ATP9B: variants seen among roughly 807,000 people sequenced by gnomAD.
ATP9B encodes the protein probable phospholipid-transporting ATPase IIB.
In ATP9B, 110 loss-of-function variants were observed where a neutral mutation model predicts 146.1. The observed-to-expected ratio is 0.75, with a 90% CI of 0.65 to 0.88. ATP9B has a LOEUF of 0.88. Ranked by LOEUF, ATP9B falls within the 40% of genes least tolerant of loss-of-function variation. The pLI, the probability that ATP9B is intolerant of heterozygous loss-of-function variation, is 0.00. For missense variants in ATP9B, 1,499 were observed against 1,496.4 expected, an observed-to-expected ratio of 1.00 and a Z score of -0.03; for synonymous variants, 604 against 569.7, an observed-to-expected ratio of 1.06 and a Z score of -0.86.
rs2095871180 is a variant in ATP9B at position 79,239,627 on chromosome 18, C to T, written c.1108-13754C>T. Among the ~76,000 whole-genome samples the T allele has an allele frequency of 2.0e-5, 3 of 152,318 alleles. 1 individual carries two copies. Among genetic ancestry groups the T allele is most frequent in the Non-Finnish European group, 4.4e-5 (3 of 68,032 alleles). ...AAAGAAATGGAAGAAAAATCAGCTT[C>T]CCTGCATGCATCATTGTGCAAGAGG... On this transcript the variant is annotated intron_variant, in intron 11 of 29. Coordinates refer to ENST00000426216, the MANE Select transcript of ATP9B (RefSeq NM_198531.5). The surrounding 1 kb of genome is among the most constrained non-coding windows in gnomAD (Gnocchi z 5.1).
chr18:79,077,411 A>AG (rs1228948809), intron 1 of ATP9B, among the ~76,000 whole-genome samples: 3 of 152,106 alleles, frequency 2.0e-5, no homozygotes, highest in Non-Finnish European at 4.4e-5. Context: ...TTGGCTGGGA[A>AG]GGGGAGGAGT....
chr18:79,377,244 C>T lies in ATP9B; in HGVS notation c.3308-3C>T, dbSNP rs1365486548. ...TACCTTTTTCTCTGTTTCCTGCCAA[C>T]AGATGTTGCCTTTATCACCACCGTG... On this transcript the variant is annotated splice_polypyrimidine_tract_variant and splice_region_variant and intron_variant, in intron 29 of 29. Transcript: ENST00000426216. 6 of 1,611,414 alleles carry T rather than the reference C, an allele frequency of 3.7e-6. No homozygotes were observed. The African/African-American group carries it at 4.0e-5, about 11-fold the overall frequency.
At chr18:79,214,211 T>C (rs2095607896) in intron 11 of ATP9B, among the ~76,000 whole-genome samples, 173 bp downstream of exon 11, 2 of 152,202 alleles carry the variant, frequency 1.3e-5, no homozygotes, top group Non-Finnish European at 1.5e-5. Flanking sequence ...AACAACATTC[T>C]CATACTGGCG....
chr18:79,246,056 G>A (rs1363930606), intron 11 of ATP9B, among the ~76,000 whole-genome samples: 8 of 25,240 alleles, frequency 3.2e-4, no homozygotes, highest in East Asian at 1.7e-3. Flanking sequence ...TGTGCGGAGG[G>A]CACCACCCTA....
intron 7 of ATP9B, among the ~76,000 whole-genome samples, chr18:79,155,885 C>G (rs1383578396): frequency 6.6e-6 from 1 of 151,470 alleles, no homozygotes; most frequent in Non-Finnish European, 1.5e-5. Context: ...GCCTCAGCCT[C>G]CCGGGTAGCT....
At chr18:79,076,344 G>C (rs1201811508) in intron 1 of ATP9B, among the ~76,000 whole-genome samples, 1 of 152,068 alleles carries the variant, frequency 6.6e-6, no homozygotes, top group East Asian at 1.9e-4. Context: ...AAGTCTACTG[G>C]AAACAAATTC....
chr18:79,238,985 C>T (rs1437967660), intron 11 of ATP9B, among the ~76,000 whole-genome samples: 5 of 152,230 alleles, frequency 3.3e-5, no homozygotes, highest in Admixed American at 2.0e-4. Context: ...AACGAGAAGA[C>T]GGTCACAACT....
intron 2 of ATP9B, among the ~76,000 whole-genome samples, chr18:79,109,238 A>T (rs2146963393): frequency 6.6e-6 from 1 of 152,286 alleles, no homozygotes; most frequent in East Asian, 1.9e-4. Flanking sequence ...CATTTTGAAA[A>T]TTTAAATTAA....
intron 13 of ATP9B, among the ~76,000 whole-genome samples, chr18:79,277,638 A>G (rs1568558030): frequency 6.6e-6 from 1 of 152,216 alleles, no homozygotes; most frequent in Non-Finnish European, 1.5e-5. Flanking sequence ...AAGCTTTACT[A>G]CAGACTATTT....
intron 12 of ATP9B, chr18:79,253,846 T>C (rs1381451524): frequency 4.3e-6 from 1 of 232,224 alleles, no homozygotes; most frequent in Non-Finnish European, 8.2e-6. Flanking sequence ...ATTAGTTTTG[T>C]TTTTTGCTGA....
At chr18:79,327,962 CCG>C (rs1446731968) in intron 15 of ATP9B, among the ~76,000 whole-genome samples, 30 of 130,624 alleles carry the variant, frequency 2.3e-4, no homozygotes, top group East Asian at 4.7e-4. Flanking sequence ...AGCGTGCTCT[CCG>C]TGGTTAGCGT....
At chr18:79,339,655 T>TGAGATCGTAGTAGGAAGTGTGTC (rs2096847753) in intron 19 of ATP9B, among the ~76,000 whole-genome samples, 1 of 148,918 alleles carries the variant, frequency 6.7e-6, no homozygotes, top group South Asian at 2.2e-4. Flanking sequence ...CATATCTGAC[T>TGAGATCGTAGTAGGAAGTGTGTC]GAGATCGTAG....
At chr18:79,107,501 C>T (rs528464162) in intron 2 of ATP9B, among the ~76,000 whole-genome samples, 4 of 152,104 alleles carry the variant, frequency 2.6e-5, no homozygotes, top group African/African-American at 4.8e-5. Context: ...GAGTGAAGAC[C>T]GAGGCCTCGG....
chr18:79,257,652 ACAGCAG>A (rs1407793682), intron 12 of ATP9B, among the ~76,000 whole-genome samples: 1 of 152,262 alleles, frequency 6.6e-6, no homozygotes, highest in Non-Finnish European at 1.5e-5. Context: ...TTGTCCCAGC[ACAGCAG>A]AGACGGCCTG....
At chr18:79,185,726 T>G (rs973870238) in intron 8 of ATP9B, among the ~76,000 whole-genome samples, 4 of 152,202 alleles carry the variant, frequency 2.6e-5, no homozygotes, top group African/African-American at 9.7e-5. Context: ...ATGTAATAGC[T>G]TATGCCCGTA....
chr18:79,211,499 G>T (rs1279608854), intron 10 of ATP9B, among the ~76,000 whole-genome samples: 6 of 152,168 alleles, frequency 3.9e-5, no homozygotes, highest in African/African-American at 9.7e-5. Context: ...CCTAGTCATG[G>T]GGTCTGTGGA....
At chr18:79,140,532 T>A (rs1429229560) in intron 5 of ATP9B, among the ~76,000 whole-genome samples, 1 of 151,950 alleles carries the variant, frequency 6.6e-6, no homozygotes, top group African/African-American at 2.4e-5. Context: ...CCCAGCACTT[T>A]GGGAGGCCAA....
chr18:79,249,563 CAA>C (rs1401942314), intron 11 of ATP9B, among the ~76,000 whole-genome samples: 1 of 152,086 alleles, frequency 6.6e-6, no homozygotes, highest in African/African-American at 2.4e-5. Flanking sequence ...ACAGTCATGG[CAA>C]AAGTTATCTG....
chr18:79,159,139 A>C (rs914429232), intron 7 of ATP9B, among the ~76,000 whole-genome samples: 1 of 152,080 alleles, frequency 6.6e-6, no homozygotes, highest in African/African-American at 2.4e-5. Context: ...TGTGTCTTTG[A>C]ACACGAAGTG....
Sources: gnomAD v4.1 joint callset for allele counts (sites outside exome capture counted in the v4.1 genomes callset) on GRCh38, gnomAD v4.1.1 for gene constraint, Gnocchi (gnomAD v3.1) non-coding constraint, MANE v1.5 for transcripts, NCBI Gene and HGNC (gene_info 2026-07-23, HGNC 2026-07-21) for gene names.